RBMS3: variants seen among roughly 807,000 people sequenced by gnomAD.
RBMS3 encodes RNA-binding motif, single-stranded-interacting protein 3.
In RBMS3, 27 loss-of-function variants were observed where a neutral mutation model predicts 66.8. The ratio of observed to expected loss-of-function variants is 0.40; its 90% CI spans 0.30 to 0.56. The LOEUF is 0.56. Among genes scored for constraint, RBMS3 ranks in the 20% least tolerant of loss-of-function variants. The pLI is 0.40. For synonymous variants in RBMS3, 188 were observed against 183.0 expected, an observed-to-expected ratio of 1.03 and a Z score of -0.22; for missense variants, 513 against 549.5, an observed-to-expected ratio of 0.93 and a Z score of 0.66.
chr3:29,286,147 C>T (rs975468769), intron 1 of RBMS3, among the ~76,000 whole-genome samples: 4 of 152,202 alleles, frequency 2.6e-5, no homozygotes, highest in African/African-American at 7.2e-5. Flanking sequence ...TATTTTCTTT[C>T]GCTTCGGGGG....
intron 3 of RBMS3, among the ~76,000 whole-genome samples, chr3:29,500,451 T>C (rs2043925375): frequency 6.7e-6 from 1 of 149,460 alleles, no homozygotes; most frequent in African/African-American, 2.4e-5. Flanking sequence ...TATATACATA[T>C]ATTTACATAT....
chr3:29,740,467 A>G (rs990246363), intron 5 of RBMS3, among the ~76,000 whole-genome samples: 5 of 152,180 alleles, frequency 3.3e-5, no homozygotes, highest in Non-Finnish European at 7.3e-5. Flanking sequence ...TATTCCTTTC[A>G]TTGTAAGAAA....
At chr3:29,373,232 G>A (rs1264010797) in intron 1 of RBMS3, among the ~76,000 whole-genome samples, 3 of 152,112 alleles carry the variant, frequency 2.0e-5, no homozygotes, top group African/African-American at 4.8e-5. Context: ...CACTGATCAT[G>A]GGCAATCCAG....
chr3:29,956,759 A>C (rs930120602), intron 12 of RBMS3, among the ~76,000 whole-genome samples: 1 of 152,062 alleles, frequency 6.6e-6, no homozygotes, highest in Admixed American at 6.6e-5. Context: ...TTTCCATTCA[A>C]TTCATTTTCT....
At chr3:29,617,166 A>G (rs1351474843) in intron 4 of RBMS3, 3 of 152,220 alleles carry the variant, frequency 2.0e-5, no homozygotes, top group African/African-American at 7.2e-5. Context: ...TCTTTGTAAG[A>G]CTATACTGCC....
intron 10 of RBMS3, among the ~76,000 whole-genome samples, chr3:29,917,618 G>T (rs760839294): frequency 1.3e-4 from 20 of 152,166 alleles, no homozygotes; most frequent in Non-Finnish European, 2.2e-4. Flanking sequence ...ATGTGTGTGT[G>T]TGTGCATGCA....
intron 12 of RBMS3, among the ~76,000 whole-genome samples, chr3:29,982,350 T>A (rs1007384619): frequency 3.9e-5 from 6 of 152,200 alleles, no homozygotes; most frequent in Non-Finnish European, 8.8e-5. Context: ...ATTTTGTTAA[T>A]CTTTTCAAAA....
chr3:29,377,805 G>T (rs2125616150), intron 1 of RBMS3, among the ~76,000 whole-genome samples: 1 of 152,244 alleles, frequency 6.6e-6, no homozygotes, highest in South Asian at 2.1e-4. Context: ...TGGGTTTGGT[G>T]CTCATTCTTG....
intron 3 of RBMS3, among the ~76,000 whole-genome samples, chr3:29,507,093 G>GTT (rs144213156): frequency 1.3e-4 from 19 of 144,016 alleles, no homozygotes; most frequent in East Asian, 4.0e-4. Flanking sequence ...TCTGATCTTT[G>GTT]TTTTTTTTTA....
chr3:29,603,993 T>C (rs968031731), intron 4 of RBMS3, among the ~76,000 whole-genome samples: 1 of 151,984 alleles, frequency 6.6e-6, no homozygotes, highest in African/African-American at 2.4e-5. Flanking sequence ...CACAAGTTGC[T>C]ACTGGCATCT....
chr3:29,928,209 T>TACAC (rs1390644340), intron 10 of RBMS3, among the ~76,000 whole-genome samples: 1,479 of 102,752 alleles, frequency 0.014, 10 homozygotes, highest in African/African-American at 0.034. Context: ...TATATATATA[T>TACAC]ATACACACAC....
At chr3:29,733,723 G>A (rs933039367) in intron 4 of RBMS3, among the ~76,000 whole-genome samples, 3 of 152,034 alleles carry the variant, frequency 2.0e-5, no homozygotes, top group Admixed American at 6.6e-5. Context: ...CTCCTTACTC[G>A]GTTGATTGTT....
At chr3:29,782,885 T>C (rs1487511524) in intron 6 of RBMS3, among the ~76,000 whole-genome samples, 1 of 151,806 alleles carries the variant, frequency 6.6e-6, no homozygotes, top group African/African-American at 2.4e-5. Context: ...AAATGCAAAA[T>C]GCACTAGAAA....
chr3:29,646,661 A>G (rs1009530406), intron 4 of RBMS3, among the ~76,000 whole-genome samples: 3 of 145,674 alleles, frequency 2.1e-5, no homozygotes, highest in Admixed American at 1.4e-4. Flanking sequence ...CCAAAGGCTC[A>G]TTTTTTCTCC....
chr3:29,281,370 G>A lies in RBMS3; in HGVS notation c.-312G>A, dbSNP rs368004861. 434 of 434,462 alleles carry A rather than the reference G, an allele frequency of 1.0e-3. 10 individuals are homozygous for A. The South Asian group carries it at 0.012, about 12-fold the overall frequency. The allele number at this position is 434,462 out of a possible 1,614,324, so 26.9% of individuals were successfully genotyped here. Reference sequence around the variant, plus strand: ...CATCACTACAGACAGCCTGGTTAGAGAACAAACTGCCTCATCCCAAGTGGA... The same window carrying A: ...CATCACTACAGACAGCCTGGTTAGAAAACAAACTGCCTCATCCCAAGTGGA... On this transcript the variant is annotated 5_prime_UTR_variant, in exon 1 of 15. Coordinates refer to ENST00000383767, the MANE Select transcript of RBMS3 (RefSeq NM_001003793.3).
At chr3:29,479,710 A>G (rs1379221177) in intron 2 of RBMS3, among the ~76,000 whole-genome samples, 2 of 152,172 alleles carry the variant, frequency 1.3e-5, no homozygotes, top group Non-Finnish European at 2.9e-5. Context: ...TCACAAACAG[A>G]TTCTTCAGGC....
intron 14 of RBMS3, among the ~76,000 whole-genome samples, chr3:30,002,562 T>C (rs1160442594): frequency 6.6e-6 from 1 of 152,066 alleles, no homozygotes; most frequent in Non-Finnish European, 1.5e-5. Flanking sequence ...TTCTTATTGT[T>C]GCTACTGTAT....
At chr3:29,425,046 TA>T (rs1479847093) in intron 1 of RBMS3, among the ~76,000 whole-genome samples, 1 of 151,840 alleles carries the variant, frequency 6.6e-6, no homozygotes, top group Non-Finnish European at 1.5e-5. Context: ...GTGTACATTT[TA>T]AAAAAGCTAG....
chr3:29,796,879 A>G (rs1019059667), intron 6 of RBMS3, among the ~76,000 whole-genome samples: 4 of 151,594 alleles, frequency 2.6e-5, no homozygotes, highest in Admixed American at 2.6e-4. Context: ...CACCTGGCTA[A>G]TTTTTTGTAC....
Sources: gnomAD v4.1 joint callset for allele counts (sites outside exome capture counted in the v4.1 genomes callset) on GRCh38, gnomAD v4.1.1 for gene constraint, MANE v1.5 for transcripts, NCBI Gene and HGNC (gene_info 2026-07-23, HGNC 2026-07-21) for gene names.